The following RSPH14 variants were observed in gnomAD, a reference collection of about 807,000 sequenced individuals.
RSPH14 encodes radial spoke head 14 homolog, also known as rhabdoid tumor deletion region gene 1.
RSPH14 carries 20 observed loss-of-function variants against 26.7 expected under a neutral mutation model. The ratio of observed to expected loss-of-function variants is 0.75; its 90% confidence interval spans 0.53 to 1.09. The LOEUF is 1.09. Among genes scored for constraint, RSPH14 ranks in the 50% least tolerant of loss-of-function variants. The probability of loss-of-function intolerance (pLI) is 0.00; values close to 1 mark genes in which losing one functional copy is unlikely to be tolerated. For synonymous variants in RSPH14, 177 were observed against 189.3 expected (o/e 0.93, Z 0.53); for missense variants, 449 against 457.2 (o/e 0.98, Z 0.16).
chr22:23,132,948 G>C (rs1353175826), intron 4 of RSPH14: 2 of 152,124 alleles, frequency 1.3e-5, no homozygotes, highest in South Asian at 2.1e-4. Flanking sequence ...CTACAGCCTA[G>C]AACTCCTAGG....
chr22:23,071,851 G>A lies in RSPH14; in HGVS notation c.422-7718C>T, dbSNP rs547824260. On this transcript the variant is annotated intron_variant, in intron 4 of 6. Transcript: ENST00000216036. The surrounding 1 kb of genome is among the most constrained non-coding windows in gnomAD (Gnocchi z 4.1). The stretch of plus-strand genomic sequence containing the variant: ...GTGGGCAGAGAGGAGAGAATAGACC[G>A]AGGCACTTGGGCAGTTAGGTCTGAT... Among the ~76,000 whole-genome samples, 4 of 152,314 alleles carry A rather than the reference G, an allele frequency of 2.6e-5. No individual in the cohort carries two copies. The South Asian group carries it at 6.2e-4, about 24-fold the overall frequency.
the RSPH14 span, among the ~76,000 whole-genome samples, chr22:23,178,621 A>AGAGG: frequency 6.6e-6 from 1 of 152,238 alleles, no homozygotes; most frequent in South Asian, 2.1e-4. Flanking sequence ...CAAGGCCTGC[A>AGAGG]GAGGGCAGCA....
the RSPH14 span, among the ~76,000 whole-genome samples, chr22:23,171,855 CAAAA>C: frequency 8.0e-5 from 2 of 25,054 alleles, no homozygotes; most frequent in Non-Finnish European, 7.5e-5. Flanking sequence ...AAAAAAAAAA[CAAAA>C]AAAAAAAAAC....
chr22:23,084,157 CG>C, intron 4 of RSPH14, among the ~76,000 whole-genome samples: 1 of 152,242 alleles, frequency 6.6e-6, no homozygotes, highest in Non-Finnish European at 1.5e-5. Context: ...TTATCTTCCC[CG>C]GAAGATGTGG....
intron 4 of RSPH14, among the ~76,000 whole-genome samples, chr22:23,119,984 G>T (rs949511429): frequency 1.2e-4 from 18 of 152,220 alleles, no homozygotes; most frequent in African/African-American, 4.1e-4. Context: ...TGCAAAGCAA[G>T]GGGAGTCCTG....
intron 4 of RSPH14, among the ~76,000 whole-genome samples, chr22:23,099,498 C>T (rs1358628212): frequency 1.3e-5 from 2 of 152,262 alleles, no homozygotes; most frequent in African/African-American, 4.8e-5. Context: ...GGGGGTTTTT[C>T]TGGCGCACCT....
chr22:23,102,104 C>T (rs564272755), intron 4 of RSPH14, among the ~76,000 whole-genome samples: 5 of 152,368 alleles, frequency 3.3e-5, no homozygotes, highest in African/African-American at 9.6e-5. Context: ...GCCATCCCTT[C>T]AGCACCGGCT....
Position 23,124,090 on chromosome 22 carries a change from G to T in RSPH14, c.421+9936C>A, listed in dbSNP as rs780574569. ...GCAGCAAAAACCAATACAACAAAAC[G>T]AGTGGCACGATTTATTTCAAACTAG... is the stretch of plus-strand genomic sequence containing the variant. On this transcript the variant is annotated intron_variant, in intron 4 of 6. Transcript: ENST00000216036. 6 of 216,870 alleles carry T rather than the reference G, an allele frequency of 2.8e-5. No individual in the cohort carries two copies. In the South Asian group the frequency reaches 3.1e-4, roughly 11 times the overall value. The allele number at this position is 216,870 out of a possible 1,614,324, so 13.4% of individuals were successfully genotyped here.
rs959517109 is a variant in RSPH14 at position 23,061,794 on chromosome 22, C to G, written c.790+15G>C. The G allele has an allele frequency of 1.4e-5, 23 of 1,613,546 alleles. No homozygotes were observed. The highest frequency in any genetic ancestry group is 1.9e-5 in the Non-Finnish European group (22 of 1,179,984). On this transcript the variant is annotated intron_variant, in intron 6 of 6. Transcript: ENST00000216036. ...GCTAGGGTCTCCCTCCCTGCGGCAC[C>G]CCCCACCGCCTCACCTTCAGTGATC...
intron 4 of RSPH14, among the ~76,000 whole-genome samples, chr22:23,099,522 T>TC (rs2146327428): frequency 6.6e-6 from 1 of 152,318 alleles, no homozygotes; most frequent in African/African-American, 2.4e-5. Flanking sequence ...CCCTGAATGA[T>TC]CCTGTGGGGC....
At chr22:23,172,050 A>G in the RSPH14 span, among the ~76,000 whole-genome samples, 3 of 152,240 alleles carry the variant, frequency 2.0e-5, no homozygotes, top group African/African-American at 7.2e-5. Flanking sequence ...AACAATTGCC[A>G]TCATAAACTG....
the RSPH14 span, among the ~76,000 whole-genome samples, chr22:23,151,666 G>A: frequency 7.9e-5 from 12 of 152,302 alleles, no homozygotes; most frequent in African/African-American, 2.6e-4. Flanking sequence ...AGGATCACTC[G>A]AGCCAAGGAG....
intron 4 of RSPH14, among the ~76,000 whole-genome samples, chr22:23,096,845 C>T (rs921367219): frequency 8.5e-5 from 13 of 152,236 alleles, no homozygotes; most frequent in Non-Finnish European, 1.6e-4. Flanking sequence ...GGGATAATCC[C>T]AGGTCCTGGT....
the RSPH14 span, chr22:23,153,470 G>T: frequency 1.5e-6 from 1 of 673,102 alleles, no homozygotes; most frequent in Non-Finnish European, 1.8e-6. Flanking sequence ...CACTCACCAG[G>T]CCAGCAGGGT....
the RSPH14 span, among the ~76,000 whole-genome samples, chr22:23,171,674 C>T: frequency 1.3e-5 from 2 of 151,976 alleles, no homozygotes; most frequent in Admixed American, 6.6e-5. Flanking sequence ...GAAACCCCGT[C>T]TCTACTAAAA....
chr22:23,136,140 C>G (rs1285820104), intron 3 of RSPH14: 1 of 648,374 alleles, frequency 1.5e-6, no homozygotes, highest in Non-Finnish European at 2.9e-6. Context: ...CTCCATGTCT[C>G]TCATGCTTTG....
At chr22:23,153,122 A>G in the RSPH14 span, 8 of 1,613,768 alleles carry the variant, frequency 5.0e-6, no homozygotes, top group Admixed American at 1.7e-5. Flanking sequence ...GGGATTCCCT[A>G]TAGCCTCCAG....
At chr22:23,166,128 G>A in the RSPH14 span, among the ~76,000 whole-genome samples, 92 of 131,194 alleles carry the variant, frequency 7.0e-4, no homozygotes, top group African/African-American at 2.2e-3. Context: ...CCTGGGTGAC[G>A]GAGTGAGACT....
In RSPH14 at chr22:23,130,079, GAAAGGA is replaced by G. The variant is rs1402538330; in HGVS notation, c.421+3941_421+3946del. 3.5e-3 allele frequency among the ~76,000 whole-genome samples: 107 copies of G among 30,518 alleles called. 1 individual carries two copies. Among genetic ancestry groups the G allele is most frequent in the African/African-American group, 0.018 (103 of 5,660 alleles). The allele number at this position is 30,518 out of a possible 152,430, so 20.0% of individuals were successfully genotyped here. ...AAAGAAAAAGAAAGAAAGAAAGAAA[GAAAGGA>G]AGAAAGAAAGAAAGAAAGAAAGAAA... On this transcript the variant is annotated intron_variant, in intron 4 of 6. Coordinates refer to ENST00000216036, the MANE Select transcript of RSPH14 (RefSeq NM_014433.3).
Sources: allele counts gnomAD v4.1 joint callset (sites outside exome capture counted in the v4.1 genomes callset), GRCh38; gene constraint gnomAD v4.1.1; non-coding constraint Gnocchi (gnomAD v3.1); transcripts MANE v1.5; gene names NCBI Gene and HGNC (gene_info 2026-07-23, HGNC 2026-07-21).